The following IL2RB variants were observed in gnomAD, a reference collection of about 807,000 sequenced individuals.
IL2RB encodes interleukin 2 receptor subunit beta, also known as interleukin-2 receptor subunit beta.
In IL2RB, 17 loss-of-function variants were observed where a neutral mutation model predicts 44.2. That is an observed-to-expected ratio of 0.38 (90% CI 0.26 to 0.58). The LOEUF (loss-of-function observed/expected upper bound fraction) is 0.58, where lower values mean the gene tolerates loss of function less well. IL2RB is among the 20% of genes least tolerant of loss of function. IL2RB has a pLI of 0.63. For missense variants in IL2RB, 624 were observed against 685.5 expected (o/e 0.91, Z 1.00); for synonymous variants, 286 against 297.9 (o/e 0.96, Z 0.41).
chr22:37,134,276 G>A (rs1276206645), intron 8 of IL2RB, among the ~76,000 whole-genome samples: 1 of 152,186 alleles, frequency 6.6e-6, no homozygotes, highest in Non-Finnish European at 1.5e-5. Flanking sequence ...GGGAGGGTGT[G>A]TGTAGGTTAC....
chr22:37,158,189 T>C (rs112158658), intron 1 of IL2RB, among the ~76,000 whole-genome samples: 1,945 of 152,152 alleles, frequency 0.013, 23 homozygotes, highest in Middle Eastern at 0.034. Context: ...TGCGCATCCA[T>C]AGGGGACAGG....
At chr22:37,132,520 G>A (rs534063318) in intron 8 of IL2RB, 52 bp from the exon 9 acceptor site, 18 of 1,395,308 alleles carry the variant, frequency 1.3e-5, no homozygotes, top group Non-Finnish European at 1.7e-5. Flanking sequence ...AAGGACCGCG[G>A]TGTTATGCCA....
intron 9 of IL2RB, among the ~76,000 whole-genome samples, chr22:37,129,594 G>C (rs1373181319): frequency 6.6e-6 from 1 of 152,194 alleles, no homozygotes; most frequent in Non-Finnish European, 1.5e-5. Context: ...CTCACTAACT[G>C]TGTGACCCTG....
intron 3 of IL2RB, among the ~76,000 whole-genome samples, chr22:37,143,195 T>C (rs533261538): frequency 1.3e-5 from 2 of 152,030 alleles, no homozygotes; most frequent in African/African-American, 4.8e-5. Context: ...CCACTTCCTC[T>C]CTGCTTGCCT....
At chr22:37,137,212 A>G (rs1251354208) in intron 6 of IL2RB, among the ~76,000 whole-genome samples, 1 of 152,240 alleles carries the variant, frequency 6.6e-6, no homozygotes, top group Non-Finnish European at 1.5e-5. Flanking sequence ...GTGAATGAAG[A>G]AATGAGTGTA....
Position 37,136,378 on chromosome 22 carries a change from T to G in IL2RB, c.553A>C (p.Thr185Pro), listed in dbSNP as rs1299748099. The change falls in exon 7 of 10, where the codon ACT (threonine) becomes CCT (proline). Residue 185 changes from threonine to proline, a missense_variant. By Grantham distance (38) the Thr-to-Pro change is conservative. This residue lies in a region of IL2RB where 255 missense variants were observed against 339.9 expected (regional missense o/e 0.75). Coordinates refer to ENST00000216223, the MANE Select transcript of IL2RB (RefSeq NM_000878.5). The part of the protein sequence containing the change: ...GHTWEEAPLL[T>P]LKQKQEWICL... ...ATCCATTCCTGCTTCTGCTTGAGAG[T>G]CAGCAGGGGGGCCTCCTGGGTCGGA... 3 of 1,609,878 alleles carry G rather than the reference T, an allele frequency of 1.9e-6. No homozygotes were observed. The African/African-American group carries it at 4.0e-5, about 22-fold the overall frequency.
intron 8 of IL2RB, among the ~76,000 whole-genome samples, chr22:37,132,760 G>A (rs1921496843): frequency 6.6e-6 from 1 of 152,216 alleles, no homozygotes; most frequent in South Asian, 2.1e-4. Flanking sequence ...AGAGAGCACA[G>A]TGCTACACAA....
Position 37,141,214 on chromosome 22 carries a change from T to C in IL2RB, c.282+1220A>G, listed in dbSNP as rs3218282. On this transcript the variant is annotated intron_variant, in intron 4 of 9. Coordinates refer to ENST00000216223, the MANE Select transcript of IL2RB (RefSeq NM_000878.5). This position sits in a 1 kb window ranked among gnomAD's most constrained non-coding sequence, Gnocchi z 4.4. ...TCGTGGCCACAGAGCCAGGTGTCCCTGCACTCTCAGGGGCCCTGGTCCAAA... is the reference window on the plus strand; with the variant it reads ...TCGTGGCCACAGAGCCAGGTGTCCCCGCACTCTCAGGGGCCCTGGTCCAAA... Among the ~76,000 whole-genome samples the C allele has an allele frequency of 0.034, 5,237 of 151,962 alleles. 284 individuals carry two copies. Among genetic ancestry groups the C allele is most frequent in the African/African-American group, 0.12 (4,974 of 41,416 alleles).
chr22:37,136,549 C>T lies in IL2RB; in HGVS notation c.538-156G>A, dbSNP rs571950682. 9.6e-5 allele frequency: 73 copies of T among 764,330 alleles called. No individual in the cohort carries two copies. In the South Asian group the frequency reaches 1.3e-3, roughly 13 times the overall value. 47.3% of individuals were successfully genotyped at this position (764,330 alleles called of 1,614,324 possible). A position where few individuals can be genotyped will look rare whatever the true frequency, so the allele number is the denominator to read the frequency against. ...ACTACCCAGTTGCTGGGGCCTCAAA[C>T]CCCAGGGTCATCCCCTAAAGCCCAA... is the stretch of plus-strand genomic sequence containing the variant. On this transcript the variant is annotated intron_variant, in intron 6 of 9. Transcript: ENST00000216223.
intron 1 of IL2RB, among the ~76,000 whole-genome samples, chr22:37,156,611 T>C (rs1289110443): frequency 6.6e-6 from 1 of 152,214 alleles, no homozygotes; most frequent in Non-Finnish European, 1.5e-5. Context: ...AGGGAGGGCT[T>C]GCCTCTGCCT....
At chr22:37,171,821 T>C (rs368670963) in intron 1 of IL2RB, among the ~76,000 whole-genome samples, 116 of 152,338 alleles carry the variant, frequency 7.6e-4, no homozygotes, top group African/African-American at 2.6e-3. Flanking sequence ...ACAATCCTCT[T>C]CTTCACCTTT....
At chr22:37,165,155 G>A (rs780723674) in intron 1 of IL2RB, among the ~76,000 whole-genome samples, 1 of 152,360 alleles carries the variant, frequency 6.6e-6, no homozygotes, top group South Asian at 2.1e-4. Flanking sequence ...CTCGCCCAGG[G>A]CCGCACACAG....
At chr22:37,163,757 A>G (rs1342888819) in intron 1 of IL2RB, among the ~76,000 whole-genome samples, 1 of 152,182 alleles carries the variant, frequency 6.6e-6, no homozygotes, top group African/African-American at 2.4e-5. Context: ...CACCACCCAC[A>G]TGGGCTTGAG....
In IL2RB at chr22:37,145,719, G is replaced by T. The variant is rs533818999; in HGVS notation, c.-33-1514C>A. ...GATGAGGGTAGCCTCAGTCAGAGGG[G>T]CAGGGGGAGAGGGGAGAGGAGCAGG... On this transcript the variant is annotated intron_variant, in intron 1 of 9. Coordinates refer to ENST00000216223, the MANE Select transcript of IL2RB (RefSeq NM_000878.5). Among the ~76,000 whole-genome samples the T allele has an allele frequency of 2.0e-5, 3 of 152,216 alleles. No individual in the cohort carries two copies. The South Asian group carries it at 6.2e-4, about 32-fold the overall frequency.
rs769830605 is a variant in IL2RB, at chr22:37,128,609, G to A, written c.1143C>T (p.Tyr381=). The A allele has an allele frequency of 5.6e-6, 9 of 1,614,112 alleles. No individual in the cohort carries two copies. The highest frequency in any genetic ancestry group is 1.1e-5 in the South Asian group (1 of 91,084). Residue 381 remains tyrosine, a synonymous_variant, in exon 10 of 10, where the codon TAC becomes TAT. Transcript: ENST00000216223. The surrounding 1 kb of genome is among the most constrained non-coding windows in gnomAD (Gnocchi z 4.5). The part of the protein sequence containing the change: ...DALEIEACQV[Y]FTYDPYSEED... ...CCTCTGAGTAGGGGTCGTAAGTAAA[G>A]TACACCTGGCAGGCCTCTATCTCCA... is the stretch of plus-strand genomic sequence containing the variant.
At chr22:37,150,388 T>C (rs1404246007), upstream of IL2RB, among the ~76,000 whole-genome samples, 8 of 152,138 alleles carry the variant, frequency 5.3e-5, no homozygotes, top group African/African-American at 2.4e-5. Context: ...CACCCAGCCT[T>C]CCAGGAAGCC....
At position 37,128,272 on chromosome 22, in the gene IL2RB, G is replaced by C. The variant is rs757144557; in HGVS notation, c.1480C>G (p.Arg494Gly). 6.7e-7 allele frequency: 1 copy of C among 1,497,958 alleles called. No homozygotes were observed. 92.8% of individuals were successfully genotyped at this position (1,497,958 alleles called of 1,614,324 possible). Reference protein sequence around the residue: ...DFQPPPELVLREAGEEVPDAG... With the variant: ...DFQPPPELVLGEAGEEVPDAG... ...TCAGGGACCTCCTCCCCAGCCTCTC[G>C]CAGCACCAGCTCAGGGGGTGGCTGA... Residue 494 changes from arginine to glycine, a missense_variant, in exon 10 of 10, where the codon CGA becomes GGA. Around this residue, in one of 3 missense-constraint regions of IL2RB, gnomAD observed 291 missense variants for 275.5 expected, o/e 1.06. Transcript: ENST00000216223. This position sits in a 1 kb window ranked among gnomAD's most constrained non-coding sequence, Gnocchi z 4.5.
intron 4 of IL2RB, among the ~76,000 whole-genome samples, chr22:37,140,041 G>C (rs957754127): frequency 6.6e-6 from 1 of 152,224 alleles, no homozygotes; most frequent in Non-Finnish European, 1.5e-5. Flanking sequence ...CAACCCTACA[G>C]CCCGGCAGCC....
chr22:37,131,122 G>A (rs574305840), intron 9 of IL2RB, among the ~76,000 whole-genome samples: 4 of 152,298 alleles, frequency 2.6e-5, no homozygotes, highest in South Asian at 2.1e-4. Context: ...AGCTGAGGTC[G>A]TGCCATTGCA....
Sources: gnomAD v4.1 joint callset for allele counts (sites outside exome capture counted in the v4.1 genomes callset) on GRCh38, gnomAD v4.1.1 for gene constraint, gnomAD v4.1.1 regional missense constraint, Gnocchi (gnomAD v3.1) non-coding constraint, MANE v1.5 for transcripts, NCBI Gene and HGNC (gene_info 2026-07-23, HGNC 2026-07-21) for gene names.